The following CDK15 variants were observed in gnomAD, a reference collection of about 807,000 sequenced individuals.
CDK15 encodes cyclin dependent kinase 15.
CDK15 carries 62 observed loss-of-function variants against 60.3 expected under a neutral mutation model. That is an observed-to-expected ratio of 1.03 (90% CI 0.84 to 1.27). The LOEUF is 1.27. Ranked by LOEUF, CDK15 falls within the 50% of genes most tolerant of loss-of-function variation. The pLI is 0.00. For missense variants in CDK15, 541 were observed against 527.8 expected (o/e 1.03, Z -0.25); for synonymous variants, 194 against 195.7 (o/e 0.99, Z 0.07).
chr2:201,820,591 C>A (rs6712587), intron 4 of CDK15, among the ~76,000 whole-genome samples: 1,628 of 152,184 alleles, frequency 0.011, 27 homozygotes, highest in African/African-American at 0.036. Context: ...GTGACAGGGC[C>A]AGGATTCATA....
intron 11 of CDK15, among the ~76,000 whole-genome samples, chr2:201,875,300 C>T (rs1426017295): frequency 6.6e-6 from 1 of 152,118 alleles, no homozygotes; most frequent in African/African-American, 2.4e-5. Context: ...TATCCTTGCC[C>T]ACAGGGATGA....
chr2:201,843,193 CTT>C (rs1036364478), intron 8 of CDK15, among the ~76,000 whole-genome samples: 1 of 151,194 alleles, frequency 6.6e-6, no homozygotes, highest in Admixed American at 6.6e-5. Context: ...TTGCATAGTT[CTT>C]TTTTTTTATT....
intron 8 of CDK15, among the ~76,000 whole-genome samples, chr2:201,841,254 A>G (rs1374080849): frequency 1.3e-5 from 2 of 152,224 alleles, no homozygotes; most frequent in Admixed American, 6.5e-5. Context: ...ATGTTATTCT[A>G]TGAATAAGTG....
Position 201,894,588 on chromosome 2 carries a change from A to G in CDK15, c.*1321A>G, listed in dbSNP as rs1411246040. ...TCAAATATTTTTATTAATTACTCGA[A>G]TAAATCAGAGTACATGGACAACTTT... On this transcript the variant is annotated 3_prime_UTR_variant, in exon 14 of 14. Coordinates refer to ENST00000652192, the MANE Select transcript of CDK15 (RefSeq NM_001366386.2). The G allele has an allele frequency of 1.3e-5, 2 of 152,200 alleles. No homozygotes were observed. The highest frequency in any genetic ancestry group is 2.9e-5 in the Non-Finnish European group (2 of 68,030). The allele number at this position is 152,200 out of a possible 1,614,324, so 9.4% of individuals were successfully genotyped here. A position where few individuals can be genotyped will look rare whatever the true frequency, so the allele number is the denominator to read the frequency against.
At chr2:201,861,875 T>A (rs1251058417) in intron 10 of CDK15, among the ~76,000 whole-genome samples, 1 of 152,124 alleles carries the variant, frequency 6.6e-6, no homozygotes, top group Non-Finnish European at 1.5e-5. Context: ...TTTTACACAG[T>A]GTGGAAGTTC....
chr2:201,835,771 T>G lies in CDK15; in HGVS notation c.851+8T>G. ...CTCTGAGCTGGACATATGGTAAGAG[T>G]GGTGCCGAGAAAATGTGAGTCATCC... is the stretch of plus-strand genomic sequence containing the variant. On this transcript the variant is annotated splice_region_variant and intron_variant, in intron 8 of 13. Transcript: ENST00000652192. The G allele has an allele frequency of 1.3e-6, 2 of 1,517,762 alleles. No individual in the cohort carries two copies. The highest frequency in any genetic ancestry group is 1.8e-6 in the Non-Finnish European group (2 of 1,119,664). The allele number at this position is 1,517,762 out of a possible 1,614,324, so 94.0% of individuals were successfully genotyped here.
At chr2:201,879,821 T>C (rs1052184333) in intron 11 of CDK15, among the ~76,000 whole-genome samples, 1 of 152,140 alleles carries the variant, frequency 6.6e-6, no homozygotes, top group African/African-American at 2.4e-5. Flanking sequence ...AGGAGATTTT[T>C]CCCCTTCAAC....
chr2:201,849,708 T>C (rs1308417654), intron 9 of CDK15, among the ~76,000 whole-genome samples: 1 of 152,250 alleles, frequency 6.6e-6, no homozygotes, highest in Admixed American at 6.5e-5. Flanking sequence ...ATATAAATTG[T>C]AATACTGAAA....
rs750130774 is a variant in CDK15 at position 201,880,058 on chromosome 2, G to C, written c.1089G>C (p.Leu363=). The C allele has an allele frequency of 6.2e-7, 1 of 1,614,020 alleles. No individual in the cohort carries two copies. The highest frequency in any genetic ancestry group is 8.5e-7 in the Non-Finnish European group (1 of 1,179,986). ...GCAGGGTTCCTGAAGCTGAAGACCT[G>C]GCCTCCCAGATGCTAAAAGGCTTTC... ...RLGRVPEAED[L]ASQMLKGFPR... Residue 363 remains leucine (L), a synonymous_variant, in exon 12 of 14, where the codon CTG becomes CTC. Coordinates refer to ENST00000652192, the MANE Select transcript of CDK15 (RefSeq NM_001366386.2).
intron 4 of CDK15, among the ~76,000 whole-genome samples, chr2:201,815,525 C>T (rs1390274886): frequency 2.0e-5 from 3 of 152,196 alleles, no homozygotes; most frequent in Admixed American, 6.5e-5. Flanking sequence ...GGAAATCTCT[C>T]ATAATTGACT....
intron 3 of CDK15, chr2:201,808,598 G>T (rs755662590): frequency 6.6e-6 from 1 of 152,186 alleles, no homozygotes; most frequent in African/African-American, 2.4e-5. Flanking sequence ...GGGAAAGTTG[G>T]ATGGTCGCTT....
intron 9 of CDK15, among the ~76,000 whole-genome samples, chr2:201,853,487 T>C (rs1047719428): frequency 1.3e-5 from 2 of 152,196 alleles, no homozygotes; most frequent in Non-Finnish European, 2.9e-5. Context: ...TCAGTCATTG[T>C]TGGGCAATTG....
intron 6 of CDK15, 32 bp downstream of exon 6, chr2:201,823,759 G>C: frequency 1.9e-6 from 3 of 1,593,334 alleles, no homozygotes; most frequent in Non-Finnish European, 2.6e-6. Context: ...ACCCTCTCCT[G>C]GCTTGCCCAC....
In CDK15 at chr2:201,835,659, G is replaced by A; in HGVS notation, c.747G>A (p.Lys249=). 6.2e-7 allele frequency: 1 copy of A among 1,608,850 alleles called. No homozygotes were observed. The highest frequency in any genetic ancestry group is 8.5e-7 in the Non-Finnish European group (1 of 1,176,800). The change falls in exon 8 of 14, where the codon AAG becomes AAA. Residue 249 remains lysine, a synonymous_variant. Transcript: ENST00000652192. ...KLADFGLARA[K]SIPSQTYSSE... ...TTTGGACAGGTCTTGCCCGGGCCAA[G>A]TCCATTCCCAGCCAGACATACTCTT...
At chr2:201,879,958 GT>G (rs1202325692) in intron 11 of CDK15, 69 bp from the exon 12 acceptor site, 1 of 1,558,290 alleles carries the variant, frequency 6.4e-7, no homozygotes, top group East Asian at 2.3e-5. Context: ...TTTACTTTTT[GT>G]TTTTATCCCT....
intron 5 of CDK15, among the ~76,000 whole-genome samples, chr2:201,823,117 C>T (rs1369655417): frequency 6.6e-6 from 1 of 152,194 alleles, no homozygotes; most frequent in East Asian, 1.9e-4. Flanking sequence ...CTTTTCCCCT[C>T]ATCAGCAATA....
chr2:201,873,443 G>GC (rs1054721994), intron 11 of CDK15, among the ~76,000 whole-genome samples: 199 of 152,008 alleles, frequency 1.3e-3, no homozygotes, highest in Admixed American at 2.8e-3. Flanking sequence ...TTTTAGCATG[G>GC]CCCGTGGCTT....
chr2:201,886,109 C>T (rs1699440671), intron 12 of CDK15, among the ~76,000 whole-genome samples: 1 of 152,166 alleles, frequency 6.6e-6, no homozygotes. Flanking sequence ...TCCTCCCACT[C>T]TCTCATGTAC....
chr2:201,819,141 TG>T lies in CDK15; in HGVS notation c.449-3664del, dbSNP rs371048585. 2.5e-3 allele frequency among the ~76,000 whole-genome samples: 375 copies of T among 151,640 alleles called. 1 individual carries two copies. The highest frequency in any genetic ancestry group is 8.7e-3 in the African/African-American group (359 of 41,312). ...AGGGTAGGATGGGGTAGAGGTGGGA[TG>T]GGGTGGAGGGCTGCTGAGGTGGGAT... On this transcript the variant is annotated intron_variant, in intron 4 of 13. Transcript: ENST00000652192.
Sources: allele counts gnomAD v4.1 joint callset (sites outside exome capture counted in the v4.1 genomes callset), GRCh38; gene constraint gnomAD v4.1.1; transcripts MANE v1.5; gene names NCBI Gene and HGNC (gene_info 2026-07-23, HGNC 2026-07-21).